FBXL4: variants seen among roughly 807,000 people sequenced by gnomAD.
FBXL4 encodes the protein F-box and leucine rich repeat protein 4.
Under a neutral mutation model 58.9 loss-of-function variants are expected in FBXL4, and 40 were observed. The ratio of observed to expected loss-of-function variants is 0.68; its 90% CI spans 0.53 to 0.88. The LOEUF (loss-of-function observed/expected upper bound fraction) is 0.88. FBXL4 is among the 40% of genes least tolerant of loss of function. FBXL4 has a pLI of 0.00. For synonymous variants in FBXL4, 263 were observed against 265.5 expected, an observed-to-expected ratio of 0.99 and a Z score of 0.09; for missense variants, 676 against 734.4, an observed-to-expected ratio of 0.92 and a Z score of 0.92.
intron 2 of FBXL4, among the ~76,000 whole-genome samples, chr6:98,931,014 A>ATTCC (rs1205449762): frequency 6.6e-6 from 1 of 152,242 alleles, no homozygotes; most frequent in African/African-American, 2.4e-5. Flanking sequence ...TTAGAAGACT[A>ATTCC]TGGATGTGTT....
chr6:98,941,838 A>C (rs1420214612), intron 1 of FBXL4, among the ~76,000 whole-genome samples: 2 of 152,208 alleles, frequency 1.3e-5, no homozygotes, highest in Admixed American at 1.3e-4. Flanking sequence ...AGGAAAAGTT[A>C]AAGCCAAAAT....
At chr6:98,916,926 G>C (rs1021364983) in intron 5 of FBXL4, among the ~76,000 whole-genome samples, 4 of 149,630 alleles carry the variant, frequency 2.7e-5, no homozygotes, top group Non-Finnish European at 5.9e-5. Flanking sequence ...AGTTAGTATA[G>C]AAAAAAAATG....
chr6:98,933,618 C>T (rs908502539), intron 2 of FBXL4, among the ~76,000 whole-genome samples: 7 of 152,128 alleles, frequency 4.6e-5, no homozygotes, highest in African/African-American at 9.7e-5. Flanking sequence ...CTTATATGTT[C>T]GTATTATTTG....
At chr6:98,888,736 T>G (rs1771122507) in intron 7 of FBXL4, among the ~76,000 whole-genome samples, 1 of 152,198 alleles carries the variant, frequency 6.6e-6, no homozygotes, top group Admixed American at 6.6e-5. Flanking sequence ...AAGGGCAACC[T>G]TACTTAAACA....
chr6:98,889,595 C>T (rs974622339), intron 7 of FBXL4, among the ~76,000 whole-genome samples: 2 of 149,650 alleles, frequency 1.3e-5, no homozygotes, highest in East Asian at 2.0e-4. Context: ...CTAGAAGGAT[C>T]ACTTGAACCT....
intron 4 of FBXL4, among the ~76,000 whole-genome samples, chr6:98,922,117 G>A (rs531932659): frequency 2.0e-5 from 3 of 152,094 alleles, no homozygotes; most frequent in African/African-American, 4.8e-5. Flanking sequence ...TAGTAGAGAC[G>A]GGGTTTCACC....
At chr6:98,907,678 GT>G (rs200945006) in intron 5 of FBXL4, among the ~76,000 whole-genome samples, 104 of 151,820 alleles carry the variant, frequency 6.9e-4, no homozygotes, top group Non-Finnish European at 1.2e-3. Context: ...ATGAGAGAGG[GT>G]TTTTTTTAAT....
chr6:98,938,269 T>C (rs1434821142), intron 1 of FBXL4, among the ~76,000 whole-genome samples: 1 of 152,110 alleles, frequency 6.6e-6, no homozygotes, highest in East Asian at 1.9e-4. Flanking sequence ...ATCCATAGAG[T>C]TCACAGTTCT....
intron 4 of FBXL4, among the ~76,000 whole-genome samples, chr6:98,919,317 T>C (rs1772489700): frequency 6.6e-6 from 1 of 152,210 alleles, no homozygotes; most frequent in South Asian, 2.1e-4. Context: ...TATTACAGTT[T>C]CTAGAACCTT....
At chr6:98,935,759 G>A (rs954745961) in intron 1 of FBXL4, among the ~76,000 whole-genome samples, 4 of 148,244 alleles carry the variant, frequency 2.7e-5, no homozygotes, top group East Asian at 2.0e-4. Flanking sequence ...ACTGCAGTCC[G>A]CAGTCTGGCC....
Position 98,874,223 on chromosome 6 carries a change from C to A in FBXL4, c.*55G>T, listed in dbSNP as rs924006630. 1.4e-4 allele frequency: 196 copies of A among 1,396,780 alleles called. 1 individual carries two copies. Among genetic ancestry groups the A allele is most frequent in the South Asian group, 2.6e-4 (15 of 58,038 alleles). The allele number at this position is 1,396,780 out of a possible 1,614,324, so 86.5% of individuals were successfully genotyped here. The stretch of plus-strand genomic sequence containing the variant: ...ACTAAAAACAAAACCCAAAACCAAT[C>A]CCAAAATTAAACCCCAACAAAGCAC... On this transcript the variant is annotated 3_prime_UTR_variant, in exon 10 of 10. Coordinates refer to ENST00000369244, the MANE Select transcript of FBXL4 (RefSeq NM_001278716.2).
chr6:98,914,136 T>C (rs1213484289), intron 5 of FBXL4, among the ~76,000 whole-genome samples: 3 of 152,200 alleles, frequency 2.0e-5, no homozygotes, highest in East Asian at 3.9e-4. Flanking sequence ...AATCTCTGAA[T>C]AGACCAATAA....
At chr6:98,926,449 A>T in intron 4 of FBXL4, 28 bp downstream of exon 4, 1 of 1,567,848 alleles carries the variant, frequency 6.4e-7, no homozygotes, top group Non-Finnish European at 8.6e-7. Context: ...CTACCATATA[A>T]CTTAGGTCAT....
chr6:98,926,399 G>T, intron 4 of FBXL4, 78 bp downstream of exon 4: 1 of 1,393,100 alleles, frequency 7.2e-7, no homozygotes, highest in Non-Finnish European at 9.7e-7. Context: ...AAGAATGCTT[G>T]CAATAAAAAA....
intron 7 of FBXL4, among the ~76,000 whole-genome samples, chr6:98,894,205 T>C (rs1450338490): frequency 6.6e-6 from 1 of 152,186 alleles, no homozygotes; most frequent in African/African-American, 2.4e-5. Context: ...TTCACGAAAA[T>C]ACATCATCAT....
chr6:98,895,362 T>C (rs751229768), intron 7 of FBXL4, among the ~76,000 whole-genome samples: 1 of 152,212 alleles, frequency 6.6e-6, no homozygotes, highest in East Asian at 1.9e-4. Flanking sequence ...AACATAAACA[T>C]AATAGTCTGT....
At chr6:98,887,999 T>TA (rs1349673047) in intron 7 of FBXL4, among the ~76,000 whole-genome samples, 2 of 152,252 alleles carry the variant, frequency 1.3e-5, no homozygotes, top group East Asian at 1.9e-4. Context: ...CGTTTCCTCC[T>TA]AAAATATCTT....
chr6:98,905,680 A>G lies in FBXL4; in HGVS notation c.859-10T>C. The G allele has an allele frequency of 6.2e-7, 1 of 1,610,218 alleles. No homozygotes were observed. The highest frequency in any genetic ancestry group is 2.2e-5 in the East Asian group (1 of 44,772). Reference sequence around the variant, plus strand: ...GAATCAGCTGAATAAGCTAAATAAGACAGAGAAACCAAGATCATCAAGAGT... The same window carrying G: ...GAATCAGCTGAATAAGCTAAATAAGGCAGAGAAACCAAGATCATCAAGAGT... On this transcript the variant is annotated splice_polypyrimidine_tract_variant and intron_variant, in intron 5 of 9. Transcript: ENST00000369244.
chr6:98,874,213 C>A lies in FBXL4; in HGVS notation c.*65G>T. The A allele has an allele frequency of 2.2e-6, 3 of 1,356,704 alleles. No individual in the cohort carries two copies. Among genetic ancestry groups the A allele is most frequent in the South Asian group, 3.7e-5 (2 of 54,336 alleles). The allele number at this position is 1,356,704 out of a possible 1,614,324, so 84.0% of individuals were successfully genotyped here. ...CATTAAAACAACTAAAAACAAAACC[C>A]AAAACCAATCCCAAAATTAAACCCC... On this transcript the variant is annotated 3_prime_UTR_variant, in exon 10 of 10. Transcript: ENST00000369244.
Sources: allele counts gnomAD v4.1 joint callset (sites outside exome capture counted in the v4.1 genomes callset), GRCh38; gene constraint gnomAD v4.1.1; transcripts MANE v1.5; gene names NCBI Gene and HGNC (gene_info 2026-07-23, HGNC 2026-07-21).